The following CALML4 variants were observed in gnomAD, a reference collection of about 807,000 sequenced individuals.
The protein encoded by CALML4 is calmodulin like 4, also known as calmodulin-like protein 4.
Under a neutral mutation model 17.9 loss-of-function variants are expected in CALML4, and 16 were observed. The observed-to-expected ratio is 0.89, with a 90% CI of 0.61 to 1.36. The LOEUF (loss-of-function observed/expected upper bound fraction) is 1.36. Ranked by LOEUF, CALML4 falls within the 40% of genes most tolerant of loss-of-function variation. The pLI is 0.00. For missense variants in CALML4, 203 were observed against 194.8 expected (o/e 1.04, Z -0.25); for synonymous variants, 86 against 71.5 (o/e 1.20, Z -1.02).
At chr15:68,196,431 C>G (rs754989670) in intron 4 of CALML4, among the ~76,000 whole-genome samples, 1 of 152,212 alleles carries the variant, frequency 6.6e-6, no homozygotes, top group Non-Finnish European at 1.5e-5. Context: ...AGCCTCAAAG[C>G]TCTCCTCCAG....
intron 4 of CALML4, among the ~76,000 whole-genome samples, chr15:68,194,363 G>T (rs369799234): frequency 1.3e-4 from 20 of 151,078 alleles, no homozygotes; most frequent in Non-Finnish European, 2.5e-4. Context: ...GTAAGGATTC[G>T]GTCACTGATG....
At chr15:68,203,362 G>C (rs974610852) in intron 2 of CALML4, among the ~76,000 whole-genome samples, 1 of 152,216 alleles carries the variant, frequency 6.6e-6, no homozygotes, top group African/African-American at 2.4e-5. Flanking sequence ...TGAATGAATG[G>C]TCATTAAACC....
chr15:68,194,472 C>CT (rs2093134477), intron 4 of CALML4, among the ~76,000 whole-genome samples: 1 of 151,772 alleles, frequency 6.6e-6, no homozygotes, highest in Non-Finnish European at 1.5e-5. Flanking sequence ...CAACCTCCGC[C>CT]TCCCAGGTTC....
chr15:68,194,130 T>G lies in CALML4; in HGVS notation c.365-18A>C. On this transcript the variant is annotated intron_variant, in intron 4 of 4. Transcript: ENST00000467889. ...ATCATCCACTGCAATAAATCACATT[T>G]AATTTTTCAGTTTGGCTTTAGTGTT... 1 of 1,598,918 alleles carries G rather than the reference T, an allele frequency of 6.3e-7. No individual in the cohort carries two copies. The highest frequency in any genetic ancestry group is 8.6e-7 in the Non-Finnish European group (1 of 1,166,458).
Position 68,193,597 on chromosome 15 carries a change from G to T in CALML4, c.*418C>A. 1 of 162,380 alleles carries T rather than the reference G, an allele frequency of 6.2e-6. No individual in the cohort carries two copies. Among genetic ancestry groups the T allele is most frequent in the Non-Finnish European group, 1.3e-5 (1 of 74,308 alleles). The allele number at this position is 162,380 out of a possible 1,614,324, so 10.1% of individuals were successfully genotyped here. ...CAAATACAGAATAAGTCTCTTGGTA[G>T]ATTGCCCTTAAGTCATCAGCTCAAT... On this transcript the variant is annotated 3_prime_UTR_variant, in exon 5 of 5. Coordinates refer to ENST00000467889, the MANE Select transcript of CALML4 (RefSeq NM_033429.3).
At chr15:68,201,891 G>A (rs1476408660) in intron 2 of CALML4, among the ~76,000 whole-genome samples, 1 of 152,118 alleles carries the variant, frequency 6.6e-6, no homozygotes, top group Non-Finnish European at 1.5e-5. Context: ...CTCACCTCCT[G>A]GCTCTCCTTC....
rs1476925342 is a variant in CALML4 at position 68,191,051 on chromosome 15, T to G, written c.*2964A>C. ...TCTTCAGGACTTTTTAAAGCACATT[T>G]GAAATTATTTTAGTAAGAATTTTGT... is the stretch of plus-strand genomic sequence containing the variant. On this transcript the variant is annotated 3_prime_UTR_variant, in exon 5 of 5. Coordinates refer to ENST00000467889, the MANE Select transcript of CALML4 (RefSeq NM_033429.3). 6.6e-6 allele frequency: 1 copy of G among 152,616 alleles called. No individual in the cohort carries two copies. Among genetic ancestry groups the G allele is most frequent in the Non-Finnish European group, 1.5e-5 (1 of 68,042 alleles). The allele number at this position is 152,616 out of a possible 1,614,324, so 9.5% of individuals were successfully genotyped here.
In CALML4 at chr15:68,204,478, A is replaced by C. The variant is rs554860026; in HGVS notation, c.34+643T>G. Among the ~76,000 whole-genome samples the C allele has an allele frequency of 1.3e-5, 2 of 152,308 alleles. No homozygotes were observed. The highest frequency in any genetic ancestry group is 4.8e-5 in the African/African-American group (2 of 41,574). ...TGCCAGGTGCAGGGGGGCTGCAGCC[A>C]TGAGGCTCCCCTGGCTCAGGTCTGG... On this transcript the variant is annotated intron_variant, in intron 2 of 4. Transcript: ENST00000467889. This position sits in a 1 kb window ranked among gnomAD's most constrained non-coding sequence, Gnocchi z 6.0.
At chr15:68,205,348 G>A (rs2093179550), upstream of CALML4, 17 of 1,614,068 alleles carry the variant, frequency 1.1e-5, no homozygotes, top group Non-Finnish European at 1.4e-5. This position sits in a 1 kb window ranked among gnomAD's most constrained non-coding sequence, Gnocchi z 4.8. Flanking sequence ...GCTGGGTGGA[G>A]GCCCGGGTAA....
rs372143357 is a variant in CALML4 at position 68,199,611 on chromosome 15, C to T, written c.105G>A (p.Val35=). Reference sequence around the variant, plus strand: ...GGCTGGCCCCCAGGCACCTCATGGCCACCATGAGGTCGGTGGCTTTTATCT... The same window carrying T: ...GGCTGGCCCCCAGGCACCTCATGGCTACCATGAGGTCGGTGGCTTTTATCT... ...RGKIKATDLM[V]AMRCLGASPT... is the part of the protein sequence containing the mutation. Residue 35 remains valine, a synonymous_variant, in exon 3 of 5, where the codon GTG becomes GTA. Coordinates refer to ENST00000467889, the MANE Select transcript of CALML4 (RefSeq NM_033429.3). 1.2e-4 allele frequency: 190 copies of T among 1,613,470 alleles called. No individual in the cohort carries two copies. Among genetic ancestry groups the T allele is most frequent in the Non-Finnish European group, 1.6e-4 (185 of 1,179,840 alleles).
At chr15:68,199,772 C>T (rs1247185446) in intron 2 of CALML4, 91 bp from the exon 3 acceptor site, 1 of 1,436,868 alleles carries the variant, frequency 7.0e-7, no homozygotes, top group South Asian at 1.4e-5. Context: ...CCCTCTTTTC[C>T]CCTTCCTTTT....
chr15:68,197,682 A>G lies in CALML4; in HGVS notation c.176-54T>C. ...AGCAGAGGGAAAAAGACTCCTAGGAAGCCAGCTGGCCTCCTGCTGGACCTG... is the reference window on the plus strand; with the variant it reads ...AGCAGAGGGAAAAAGACTCCTAGGAGGCCAGCTGGCCTCCTGCTGGACCTG... On this transcript the variant is annotated intron_variant, in intron 3 of 4. Transcript: ENST00000467889. The surrounding 1 kb of genome is among the most constrained non-coding windows in gnomAD (Gnocchi z 4.1). 1.3e-6 allele frequency: 2 copies of G among 1,550,272 alleles called. No homozygotes were observed. The highest frequency in any genetic ancestry group is 1.8e-6 in the Non-Finnish European group (2 of 1,135,398).
chr15:68,194,088 T>C lies in CALML4; in HGVS notation c.389A>G (p.Asp130Gly), dbSNP rs150874615. 1.4e-5 allele frequency: 22 copies of C among 1,613,708 alleles called. No homozygotes were observed. The African/African-American group carries it at 1.9e-4, about 14-fold the overall frequency. Reference sequence around the variant, plus strand: ...CTTCACTTTGCCATTGGGTTCGATATCTGCTTCCCTGAAGAGATCATCCAC... The same window carrying C: ...CTTCACTTTGCCATTGGGTTCGATACCTGCTTCCCTGAAGAGATCATCCAC... ...KEVDDLFREA[D>G]IEPNGKVKYD... Residue 130 changes from aspartate to glycine, a missense_variant, in exon 5 of 5, where the codon GAT (aspartate) becomes GGT (glycine). Asp to Gly is a moderately conservative substitution (Grantham distance 94). Coordinates refer to ENST00000467889, the MANE Select transcript of CALML4 (RefSeq NM_033429.3).
rs540561205 is a variant in CALML4 at position 68,200,969 on chromosome 15, A to G, written c.35-1288T>C. ...ACCAGGCCACACTGCCTTCGGTTCC[A>G]GGGCAGACACCACTGAGAGCAGTAG... On this transcript the variant is annotated intron_variant, in intron 2 of 4. Coordinates refer to ENST00000467889, the MANE Select transcript of CALML4 (RefSeq NM_033429.3). The surrounding 1 kb of genome is among the most constrained non-coding windows in gnomAD (Gnocchi z 4.3). Among the ~76,000 whole-genome samples the G allele has an allele frequency of 1.3e-5, 2 of 152,076 alleles. No individual in the cohort carries two copies. The highest frequency in any genetic ancestry group is 2.9e-5 in the Non-Finnish European group (2 of 68,004).
chr15:68,195,103 G>GATAAA (rs2093138342), intron 4 of CALML4, among the ~76,000 whole-genome samples: 1 of 151,880 alleles, frequency 6.6e-6, no homozygotes, highest in African/African-American at 2.4e-5. Flanking sequence ...GGATTCCTGG[G>GATAAA]ATAAAATAAT....
At chr15:68,202,393 C>T (rs1315383327) in intron 2 of CALML4, among the ~76,000 whole-genome samples, 3 of 152,178 alleles carry the variant, frequency 2.0e-5, no homozygotes, top group African/African-American at 7.2e-5. Context: ...ATCGCTTGGG[C>T]CCAGGAGTTC....
chr15:68,199,486 C>T, intron 3 of CALML4, 55 bp downstream of exon 3: 7 of 1,565,710 alleles, frequency 4.5e-6, no homozygotes, highest in East Asian at 4.6e-5. Context: ...CCTCTACTGT[C>T]TGCACCCACC....
Position 68,194,084 on chromosome 15 carries a change from G to C in CALML4, c.393C>G (p.Ile131Met). 1.3e-5 allele frequency: 21 copies of C among 1,613,738 alleles called. No individual in the cohort carries two copies. The highest frequency in any genetic ancestry group is 1.7e-5 in the Non-Finnish European group (20 of 1,179,632). ...CATACTTCACTTTGCCATTGGGTTC[G>C]ATATCTGCTTCCCTGAAGAGATCAT... The part of the protein sequence containing the change: ...EVDDLFREAD[I>M]EPNGKVKYDE... Residue 131 changes from isoleucine (I) to methionine (M), a missense_variant, in exon 5 of 5, where the codon ATC (isoleucine) becomes ATG (methionine). Coordinates refer to ENST00000467889, the MANE Select transcript of CALML4 (RefSeq NM_033429.3).
intron 2 of CALML4, among the ~76,000 whole-genome samples, chr15:68,203,601 T>C (rs1044982623): frequency 3.9e-5 from 6 of 152,210 alleles, no homozygotes; most frequent in Non-Finnish European, 8.8e-5. Context: ...TTGCTAGCTG[T>C]AGTGAGCCAG....
Sources: allele counts gnomAD v4.1 joint callset (sites outside exome capture counted in the v4.1 genomes callset), GRCh38; gene constraint gnomAD v4.1.1; non-coding constraint Gnocchi (gnomAD v3.1); transcripts MANE v1.5; gene names NCBI Gene and HGNC (gene_info 2026-07-23, HGNC 2026-07-21).